The following SCHIP1 variants were observed in gnomAD, a reference collection of about 807,000 sequenced individuals.
SCHIP1 encodes the protein schwannomin interacting protein 1, also known as schwannomin-interacting protein 1.
Under a neutral mutation model 29.7 loss-of-function variants are expected in SCHIP1, and 8 were observed. The observed-to-expected ratio is 0.27, with a 90% CI of 0.16 to 0.49. The LOEUF (loss-of-function observed/expected upper bound fraction) is 0.49. SCHIP1 is among the 20% of genes least tolerant of loss of function. SCHIP1 has a pLI of 0.99. For missense variants in SCHIP1, 193 were observed against 294.6 expected, an observed-to-expected ratio of 0.66 and a Z score of 2.52; for synonymous variants, 76 against 94.9, an observed-to-expected ratio of 0.80 and a Z score of 1.16.
At chr3:159,896,884 T>C in exon 7 of SCHIP1, 1 of 1,196,812 alleles carries the variant, frequency 8.4e-7, no homozygotes, top group Non-Finnish European at 1.1e-6. Context: ...TAGTCATTGA[T>C]AATGTCTGAA....
At chr3:159,824,544 C>T in the SCHIP1 span, among the ~76,000 whole-genome samples, 89 of 152,326 alleles carry the variant, frequency 5.8e-4, no homozygotes, top group African/African-American at 2.0e-3. Flanking sequence ...AGAGTCCACA[C>T]GGGCTTTCTA....
At chr3:159,682,169 A>T in the SCHIP1 span, among the ~76,000 whole-genome samples, 1 of 152,230 alleles carries the variant, frequency 6.6e-6, no homozygotes, top group African/African-American at 2.4e-5. Context: ...GAGGTTTAAT[A>T]TCCTCATCTT....
At chr3:159,789,354 T>A in the SCHIP1 span, among the ~76,000 whole-genome samples, 1 of 152,248 alleles carries the variant, frequency 6.6e-6, no homozygotes, top group Non-Finnish European at 1.5e-5. Context: ...GAGAGTAATC[T>A]GTTTTACTTA....
At chr3:159,854,722 T>C (rs1713116303) in intron 1 of SCHIP1, among the ~76,000 whole-genome samples, 1 of 152,226 alleles carries the variant, frequency 6.6e-6, no homozygotes, top group South Asian at 2.1e-4. Flanking sequence ...TTCTGCTATT[T>C]TCAGTGTCAA....
chr3:159,429,260 C>G, the SCHIP1 span, among the ~76,000 whole-genome samples: 5 of 150,032 alleles, frequency 3.3e-5, 1 homozygote, highest in South Asian at 1.1e-3. Flanking sequence ...GCAATAGAAT[C>G]CAGTGATAGT....
At chr3:159,703,331 C>T in the SCHIP1 span, among the ~76,000 whole-genome samples, 1 of 152,186 alleles carries the variant, frequency 6.6e-6, no homozygotes, top group Non-Finnish European at 1.5e-5. Flanking sequence ...GTTCACTTTT[C>T]AAAAGCATTT....
At chr3:159,765,306 T>C in the SCHIP1 span, 39 of 772,512 alleles carry the variant, frequency 5.0e-5, no homozygotes, top group Non-Finnish European at 7.0e-5. Flanking sequence ...GGGGATAAGG[T>C]TGCTCGGTCT....
At chr3:159,470,469 T>G in the SCHIP1 span, among the ~76,000 whole-genome samples, 1,421 of 152,250 alleles carry the variant, frequency 9.3e-3, 10 homozygotes, top group Middle Eastern at 0.02. Flanking sequence ...TTTTAGAATA[T>G]CATTTAAAAA....
At chr3:159,465,577 G>A in the SCHIP1 span, among the ~76,000 whole-genome samples, 1 of 152,094 alleles carries the variant, frequency 6.6e-6, no homozygotes. Context: ...ATATTTACCT[G>A]GGGGATAAAT....
chr3:159,402,205 G>A, the SCHIP1 span, among the ~76,000 whole-genome samples: 1 of 152,192 alleles, frequency 6.6e-6, no homozygotes, highest in Admixed American at 6.5e-5. Flanking sequence ...GGCCATCAGA[G>A]AAATGCAAAT....
At chr3:159,649,065 A>T in the SCHIP1 span, among the ~76,000 whole-genome samples, 2 of 152,190 alleles carry the variant, frequency 1.3e-5, no homozygotes, top group African/African-American at 4.8e-5. Context: ...GAAGGATTTC[A>T]GGGAGAGAAG....
rs189829477 is a variant in SCHIP1, at chr3:159,851,457, G to C, written c.30+11243G>C. 4.6e-5 allele frequency among the ~76,000 whole-genome samples: 7 copies of C among 152,278 alleles called. No homozygotes were observed. In the East Asian group the frequency reaches 7.7e-4, roughly 17 times the overall value. On this transcript the variant is annotated intron_variant, in intron 1 of 6. Transcript: ENST00000445224. ...ATTTTGCTGTAAAACACAATTGATA[G>C]TAATATCTACTCCAAAAGATTATTG...
At chr3:159,376,757 T>C in the SCHIP1 span, among the ~76,000 whole-genome samples, 1 of 152,166 alleles carries the variant, frequency 6.6e-6, no homozygotes, top group East Asian at 1.9e-4. Flanking sequence ...TTCTGGTACT[T>C]GCCCACCTCC....
chr3:159,757,391 C>A, the SCHIP1 span, among the ~76,000 whole-genome samples: 3 of 152,214 alleles, frequency 2.0e-5, no homozygotes, highest in Non-Finnish European at 4.4e-5. Context: ...CAGAATAGCA[C>A]AGAAAAGAGC....
the SCHIP1 span, among the ~76,000 whole-genome samples, chr3:159,676,528 G>C: frequency 4.6e-5 from 7 of 152,216 alleles, no homozygotes; most frequent in East Asian, 1.4e-3. Context: ...TTTTTTTCAA[G>C]ACCCCTTAAA....
chr3:159,288,209 A>T, the SCHIP1 span, among the ~76,000 whole-genome samples: 1 of 152,202 alleles, frequency 6.6e-6, no homozygotes, highest in African/African-American at 2.4e-5. Flanking sequence ...GAAGAAATCA[A>T]AGACAACCAC....
rs1377342428 is a variant in SCHIP1, at chr3:159,887,479, T to C, written c.268-229T>C. On this transcript the variant is annotated intron_variant, in intron 3 of 6. Coordinates refer to ENST00000445224, the Ensembl canonical transcript of SCHIP1. ...AGACATATTTCAAGGTTGTTGTAAA[T>C]ATATTTCCCATTATTAACTATACTG... 6.1e-6 allele frequency: 3 copies of C among 490,362 alleles called. No individual in the cohort carries two copies. In the East Asian group the frequency reaches 1.0e-4, roughly 17 times the overall value. The allele number at this position is 490,362 out of a possible 1,614,324, so 30.4% of individuals were successfully genotyped here.
chr3:159,536,847 G>A, the SCHIP1 span, among the ~76,000 whole-genome samples: 4 of 152,250 alleles, frequency 2.6e-5, no homozygotes, highest in East Asian at 7.7e-4. Context: ...GGTGATAAAT[G>A]CATAAAACTC....
At chr3:159,750,819 T>G in the SCHIP1 span, among the ~76,000 whole-genome samples, 1 of 151,890 alleles carries the variant, frequency 6.6e-6, no homozygotes, top group African/African-American at 2.4e-5. Flanking sequence ...GCTTCTTGTA[T>G]ATAACAGCAA....
Sources: allele counts gnomAD v4.1 joint callset (sites outside exome capture counted in the v4.1 genomes callset), GRCh38; gene constraint gnomAD v4.1.1; transcripts MANE v1.5; gene names NCBI Gene and HGNC (gene_info 2026-07-23, HGNC 2026-07-21).